FHDC1: variants seen among roughly 807,000 people sequenced by gnomAD.
The protein encoded by FHDC1 is FH2 domain-containing protein 1.
A neutral mutation model predicts 52.6 loss-of-function variants in FHDC1; 25 were observed. That is an observed-to-expected ratio of 0.48 (90% CI 0.35 to 0.66). FHDC1 has a LOEUF of 0.66. FHDC1 is among the 30% of genes least tolerant of loss of function. The pLI, the probability that FHDC1 is intolerant of heterozygous loss-of-function variation, is 0.01. For missense variants in FHDC1, 1,459 were observed against 1,452.8 expected (o/e 1.00, Z -0.07); for synonymous variants, 616 against 581.5 (o/e 1.06, Z -0.85).
chr4:152,913,424 A>G, the FHDC1 span, among the ~76,000 whole-genome samples: 1 of 152,246 alleles, frequency 6.6e-6, no homozygotes, highest in African/African-American at 2.4e-5. Context: ...TGTTAATTGA[A>G]AGAATAATGT....
At chr4:152,955,302 G>A (rs1360972805) in intron 4 of FHDC1, among the ~76,000 whole-genome samples, 1 of 151,966 alleles carries the variant, frequency 6.6e-6, no homozygotes, top group African/African-American at 2.4e-5. Flanking sequence ...TGAATGGTTA[G>A]GAGCTTGATA....
chr4:152,925,084 C>A, the FHDC1 span, among the ~76,000 whole-genome samples: 1 of 151,214 alleles, frequency 6.6e-6, no homozygotes, highest in Non-Finnish European at 1.5e-5. Context: ...GGAGCCGTTT[C>A]TAATTTCTAG....
At chr4:152,912,376 T>G in the FHDC1 span, 1 of 152,160 alleles carries the variant, frequency 6.6e-6, no homozygotes, top group African/African-American at 2.4e-5. Flanking sequence ...AAGTTGGATA[T>G]TTTAGTTTTG....
the FHDC1 span, among the ~76,000 whole-genome samples, chr4:152,913,844 C>T: frequency 1.3e-5 from 2 of 151,796 alleles, no homozygotes; most frequent in Admixed American, 6.6e-5. Context: ...CCACGCCTGG[C>T]TTATTTTATA....
chr4:152,949,124 T>TAATAATAATAATAAGAAGAAG (rs1347590282), intron 2 of FHDC1, among the ~76,000 whole-genome samples: 4 of 74,702 alleles, frequency 5.4e-5, no homozygotes, highest in South Asian at 5.5e-4. Context: ...ATAATAATAA[T>TAATAATAATAATAAGAAGAAG]AAGAAGAAGA....
At chr4:152,948,580 G>A (rs916590429) in intron 2 of FHDC1, among the ~76,000 whole-genome samples, 4 of 152,168 alleles carry the variant, frequency 2.6e-5, no homozygotes, top group Non-Finnish European at 4.4e-5. Flanking sequence ...AGCCTCCTGA[G>A]TAGCTGGGAC....
intron 1 of FHDC1, among the ~76,000 whole-genome samples, chr4:152,936,610 C>T (rs962015567): frequency 1.3e-5 from 2 of 152,252 alleles, no homozygotes; most frequent in Non-Finnish European, 2.9e-5. Flanking sequence ...TTCCAGTTCC[C>T]TCCACATCCA....
rs538127297 is a variant in FHDC1 at position 152,965,546 on chromosome 4, T to C, written c.1100+571T>C. Among the ~76,000 whole-genome samples, 199 of 152,370 alleles carry C rather than the reference T, an allele frequency of 1.3e-3. 1 individual carries two copies. Among genetic ancestry groups the C allele is most frequent in the African/African-American group, 4.5e-3 (188 of 41,586 alleles). ...CCTAATGTAGATATGTATCTTAATG[T>C]AGCTAGACTCTGTGTGTATATACTA... On this transcript the variant is annotated intron_variant, in intron 9 of 11. Coordinates refer to ENST00000511601, the MANE Select transcript of FHDC1 (RefSeq NM_001371116.1).
intron 6 of FHDC1, among the ~76,000 whole-genome samples, chr4:152,961,997 TC>T: frequency 6.6e-6 from 1 of 152,340 alleles, no homozygotes; most frequent in Non-Finnish European, 1.5e-5. Context: ...TAGGCAGTGA[TC>T]CAACTGTAAT....
chr4:152,944,891 G>A (rs1739682313), intron 2 of FHDC1, among the ~76,000 whole-genome samples: 3 of 152,142 alleles, frequency 2.0e-5, no homozygotes, highest in Non-Finnish European at 2.9e-5. Flanking sequence ...TAGTACCCTG[G>A]CCTTTGCCCC....
chr4:152,975,818 A>C lies in FHDC1; in HGVS notation c.2527A>C (p.Ser843Arg), dbSNP rs767929154. 6.6e-7 allele frequency: 1 copy of C among 1,522,412 alleles called. No homozygotes were observed. The highest frequency in any genetic ancestry group is 2.3e-5 in the East Asian group (1 of 44,064). 94.3% of individuals were successfully genotyped at this position (1,522,412 alleles called of 1,614,324 possible). The change falls in exon 12 of 12, where the codon AGC (serine) becomes CGC (arginine). Residue 843 changes from serine (S) to arginine (R), a missense_variant. Ser to Arg is a moderately radical substitution (Grantham distance 110). This residue lies in a region of FHDC1 where 939 missense variants were observed against 854.5 expected (regional missense o/e 1.10). Coordinates refer to ENST00000511601, the MANE Select transcript of FHDC1 (RefSeq NM_001371116.1). ...CCCCGTCTCTGTGGATAGTGAGCCC[A>C]GCTGCAAGGGCGGCCTGCCCAGGGA... Reference protein sequence around the residue: ...PAPVSVDSEPSCKGGLPRDKP... With the variant: ...PAPVSVDSEPRCKGGLPRDKP...
rs1740887289 is a variant in FHDC1 at position 152,976,424 on chromosome 4, C to T, written c.3133C>T (p.Arg1045Ter). 4 of 1,613,738 alleles carry T rather than the reference C, an allele frequency of 2.5e-6. No homozygotes were observed. Among genetic ancestry groups the T allele is most frequent in the South Asian group, 1.1e-5 (1 of 91,086 alleles). The change falls in exon 12 of 12, where the codon CGA becomes TGA. Residue 1045 changes from arginine to a stop codon, truncating the protein, a stop_gained. Transcript: ENST00000511601. LOFTEE classifies it low-confidence loss of function (END_TRUNC). ...FARNTVASSS[R>*]SMRTDLPPVA... ...CCGGAACACAGTGGCCTCCTCCTCT[C>T]GAAGCATGAGAACAGATCTTCCTCC...
intron 2 of FHDC1, 131 bp downstream of exon 2, chr4:152,943,686 A>T: frequency 1.8e-6 from 2 of 1,118,214 alleles, no homozygotes; most frequent in Non-Finnish European, 1.3e-6. Context: ...TGCCTTGGAA[A>T]TGCTAGGCAG....
intron 11 of FHDC1, among the ~76,000 whole-genome samples, chr4:152,973,240 C>T (rs954392654): frequency 2.0e-4 from 30 of 152,182 alleles, no homozygotes; most frequent in South Asian, 8.3e-4. Context: ...CCCTTCATTT[C>T]GGGTGGTGTT....
intron 6 of FHDC1, among the ~76,000 whole-genome samples, chr4:152,961,581 G>T (rs1327547425): frequency 2.6e-5 from 4 of 152,122 alleles, no homozygotes; most frequent in Admixed American, 6.5e-5. Flanking sequence ...TCAGCTCGGG[G>T]CCATATTCTC....
At chr4:152,957,892 C>G (rs1453346277) in intron 4 of FHDC1, among the ~76,000 whole-genome samples, 2 of 151,960 alleles carry the variant, frequency 1.3e-5, no homozygotes, top group African/African-American at 4.9e-5. Flanking sequence ...GTGTTCTTGT[C>G]CAGCACGGAG....
upstream of FHDC1, among the ~76,000 whole-genome samples, chr4:152,933,847 C>T (rs112153620): frequency 0.014 from 2,149 of 152,056 alleles, 28 homozygotes; most frequent in African/African-American, 0.034. Context: ...AGGATGCTGC[C>T]GGATTGTCAG....
rs772305133 is a variant in FHDC1, at chr4:152,976,174, C to A, written c.2883C>A (p.Ser961Arg). 1.2e-6 allele frequency: 2 copies of A among 1,611,958 alleles called. No individual in the cohort carries two copies. Among genetic ancestry groups the A allele is most frequent in the Admixed American group, 3.3e-5 (2 of 59,892 alleles). The change falls in exon 12 of 12, where the codon AGC (serine) becomes AGA (arginine). Residue 961 changes from serine (S) to arginine (R), a missense_variant. This residue lies in a region of FHDC1 where 939 missense variants were observed against 854.5 expected (regional missense o/e 1.10). Transcript: ENST00000511601. ...GAEEQRLPRG[S>R]SGSSSTRPGR... ...AAGAGCAGAGGCTGCCGCGGGGGAG[C>A]AGCGGCTCCAGCAGCACCCGTCCGG...
At chr4:152,953,207 A>G (rs1021288067) in intron 2 of FHDC1, among the ~76,000 whole-genome samples, 6 of 152,346 alleles carry the variant, frequency 3.9e-5, no homozygotes, top group Admixed American at 3.3e-4. Context: ...CATAAGTTGA[A>G]CCATCATAGG....
Sources: gnomAD v4.1 joint callset for allele counts (sites outside exome capture counted in the v4.1 genomes callset) on GRCh38, gnomAD v4.1.1 for gene constraint, gnomAD v4.1.1 regional missense constraint, MANE v1.5 for transcripts, NCBI Gene and HGNC (gene_info 2026-07-23, HGNC 2026-07-21) for gene names.